MARCHF1: variants seen among roughly 807,000 people sequenced by gnomAD.
MARCHF1 encodes membrane associated ring-CH-type finger 1, also known as E3 ubiquitin-protein ligase MARCHF1.
MARCHF1 carries 40 observed loss-of-function variants against 54.2 expected under a neutral mutation model. The ratio of observed to expected loss-of-function variants is 0.74; its 90% CI spans 0.57 to 0.96. The LOEUF (loss-of-function observed/expected upper bound fraction) is 0.96, where lower values mean the gene tolerates loss of function less well. MARCHF1 is among the 40% of genes least tolerant of loss of function. The pLI, the probability that MARCHF1 is intolerant of heterozygous loss-of-function variation, is 0.00. For missense variants in MARCHF1, 586 were observed against 656.5 expected (o/e 0.89, Z 1.17); for synonymous variants, 236 against 236.3 (o/e 1.00, Z 0.01).
intron 3 of MARCHF1, among the ~76,000 whole-genome samples, chr4:163,951,919 T>C (rs1752141185): frequency 6.6e-6 from 1 of 152,222 alleles, no homozygotes; most frequent in African/African-American, 2.4e-5. Context: ...CTGTGAATTA[T>C]AGAGGTCAAC....
chr4:163,767,632 C>G (rs1332969644), intron 4 of MARCHF1, among the ~76,000 whole-genome samples: 1 of 152,122 alleles, frequency 6.6e-6, no homozygotes, highest in Non-Finnish European at 1.5e-5. Flanking sequence ...CCGTGCCCAG[C>G]CAATATTGCC....
chr4:163,737,259 A>T (rs1746072368), intron 4 of MARCHF1, among the ~76,000 whole-genome samples: 1 of 57,302 alleles, frequency 1.7e-5, no homozygotes, highest in African/African-American at 4.3e-5. Context: ...GTACATGTGC[A>T]CATTGTGCAG....
chr4:164,264,940 AC>A (rs34673072), intron 1 of MARCHF1, among the ~76,000 whole-genome samples: 5,548 of 151,568 alleles, frequency 0.037, 159 homozygotes, highest in East Asian at 0.11. Context: ...AACAAAAAAA[AC>A]ACCACCATCA....
intron 2 of MARCHF1, among the ~76,000 whole-genome samples, chr4:164,068,766 T>C (rs6536792): frequency 0.74 from 112,365 of 152,086 alleles, 41,965 homozygotes; most frequent in Non-Finnish European, 0.79. Flanking sequence ...TGGCAGCCAG[T>C]TCCACCTGCG....
At chr4:163,766,727 A>G (rs1046920102) in intron 4 of MARCHF1, among the ~76,000 whole-genome samples, 11 of 152,200 alleles carry the variant, frequency 7.2e-5, no homozygotes, top group African/African-American at 2.7e-4. Context: ...AATTTCCTCA[A>G]AGAGACAAAC....
chr4:163,983,143 C>T (rs1239202770), intron 3 of MARCHF1, among the ~76,000 whole-genome samples: 1 of 152,170 alleles, frequency 6.6e-6, no homozygotes, highest in African/African-American at 2.4e-5. Context: ...GACAAATATG[C>T]ATTTGAAGAC....
At chr4:163,925,517 T>C (rs1029013160) in intron 3 of MARCHF1, among the ~76,000 whole-genome samples, 6 of 151,946 alleles carry the variant, frequency 3.9e-5, no homozygotes, top group Admixed American at 2.6e-4. Context: ...TCAACACAAA[T>C]GAATGATACT....
chr4:164,277,211 G>T (rs1733910446), intron 1 of MARCHF1, among the ~76,000 whole-genome samples: 1 of 152,060 alleles, frequency 6.6e-6, no homozygotes, highest in South Asian at 2.1e-4. Flanking sequence ...ATTATAAGCT[G>T]CAAGAGGACA....
intron 4 of MARCHF1, among the ~76,000 whole-genome samples, chr4:163,779,602 A>T (rs1747404970): frequency 6.6e-6 from 1 of 152,190 alleles, no homozygotes; most frequent in Non-Finnish European, 1.5e-5. Flanking sequence ...TGCTTAAGAG[A>T]GGATGTTTGC....
At chr4:163,803,154 T>G (rs1748128337) in intron 4 of MARCHF1, among the ~76,000 whole-genome samples, 1 of 152,210 alleles carries the variant, frequency 6.6e-6, no homozygotes, top group African/African-American at 2.4e-5. Flanking sequence ...ATTGTCTCAA[T>G]GTAAAACATA....
chr4:163,645,276 T>C (rs149101171), intron 5 of MARCHF1, among the ~76,000 whole-genome samples: 1,788 of 152,228 alleles, frequency 0.012, 17 homozygotes, highest in Non-Finnish European at 0.016. Context: ...ACAGACCCCA[T>C]TGCAGTCTCA....
chr4:163,570,782 C>T (rs1739816374), intron 8 of MARCHF1, among the ~76,000 whole-genome samples: 1 of 152,102 alleles, frequency 6.6e-6, no homozygotes, highest in Admixed American at 6.6e-5. Flanking sequence ...GTTTTGGCAA[C>T]AATCAGCTAG....
intron 1 of MARCHF1, among the ~76,000 whole-genome samples, chr4:164,252,558 C>G (rs539675507): frequency 6.6e-6 from 1 of 152,238 alleles, no homozygotes; most frequent in East Asian, 1.9e-4. Context: ...TCATGGAGTT[C>G]AGCCTCAGAA....
chr4:163,716,335 G>A (rs925251676), intron 4 of MARCHF1, among the ~76,000 whole-genome samples: 9 of 152,006 alleles, frequency 5.9e-5, no homozygotes, highest in African/African-American at 1.7e-4. Context: ...TTATTTGTAC[G>A]GTGTACCTTG....
At chr4:163,943,978 T>C (rs1161460668) in intron 3 of MARCHF1, among the ~76,000 whole-genome samples, 1 of 151,346 alleles carries the variant, frequency 6.6e-6, no homozygotes, top group African/African-American at 2.4e-5. Flanking sequence ...TTTTGTTTTG[T>C]TTTTTTTGAG....
intron 3 of MARCHF1, among the ~76,000 whole-genome samples, chr4:163,965,958 T>A (rs1408986361): frequency 2.6e-5 from 4 of 152,078 alleles, no homozygotes; most frequent in African/African-American, 9.7e-5. Context: ...ATTTATGATA[T>A]ACCCTGAGAT....
chr4:163,897,934 G>A (rs9993814), intron 3 of MARCHF1, among the ~76,000 whole-genome samples: 75,338 of 151,008 alleles, frequency 0.5, 19,318 homozygotes, highest in Non-Finnish European at 0.55. Flanking sequence ...GGTGGCGGGC[G>A]CCTGTAGTCC....
chr4:164,173,390 T>C (rs1345469221), intron 1 of MARCHF1, among the ~76,000 whole-genome samples: 2 of 152,234 alleles, frequency 1.3e-5, no homozygotes, highest in African/African-American at 4.8e-5. Flanking sequence ...GGTTGACTAC[T>C]TGTACTGAAT....
chr4:163,976,794 A>C (rs1453306945), intron 3 of MARCHF1, among the ~76,000 whole-genome samples: 1 of 152,198 alleles, frequency 6.6e-6, no homozygotes, highest in Non-Finnish European at 1.5e-5. Flanking sequence ...TCTTCTAAAC[A>C]TCTCAAATCA....
Sources: allele counts gnomAD v4.1 joint callset (sites outside exome capture counted in the v4.1 genomes callset), GRCh38; gene constraint gnomAD v4.1.1; transcripts MANE v1.5; gene names NCBI Gene and HGNC (gene_info 2026-07-23, HGNC 2026-07-21).